The following ADCY10 variants were observed in gnomAD, a reference collection of about 807,000 sequenced individuals.
The protein encoded by ADCY10 is adenylate cyclase type 10.
ADCY10 carries 156 observed loss-of-function variants against 183.3 expected under a neutral mutation model. The ratio of observed to expected loss-of-function variants is 0.85; its 90% CI spans 0.75 to 0.97. The LOEUF (loss-of-function observed/expected upper bound fraction) is 0.97, where lower values mean the gene tolerates loss of function less well. ADCY10 is among the 50% of genes least tolerant of loss of function. ADCY10 has a pLI of 0.00. For missense variants in ADCY10, 1,745 were observed against 1,934.3 expected (o/e 0.90, Z 1.84); for synonymous variants, 645 against 670.0 (o/e 0.96, Z 0.58).
intron 16 of ADCY10, among the ~76,000 whole-genome samples, chr1:167,856,655 C>T (rs1032183562): frequency 2.0e-5 from 3 of 152,162 alleles, no homozygotes; most frequent in African/African-American, 7.2e-5. Flanking sequence ...CTGGAATGGA[C>T]TCTTACTTGG....
Position 167,905,039 on chromosome 1 carries a change from G to C in ADCY10, c.102C>G (p.Pro34=). The C allele has an allele frequency of 6.2e-7, 1 of 1,614,166 alleles. No individual in the cohort carries two copies. Among genetic ancestry groups the C allele is most frequent in the Non-Finnish European group, 8.5e-7 (1 of 1,180,042 alleles). The change falls in exon 2 of 33, where the codon CCC becomes CCG. Residue 34 remains proline (P), a synonymous_variant. Transcript: ENST00000367851. ...GGACTCCGTCAAAATAATCCATAAA[G>C]GGTCGCTCTGGGGAGAAATGTCCAT... ...IVYGHFSPER[P]FMDYFDGVLM...
chr1:167,888,569 T>C (rs1249868630), intron 8 of ADCY10, among the ~76,000 whole-genome samples: 1 of 152,182 alleles, frequency 6.6e-6, no homozygotes, highest in Non-Finnish European at 1.5e-5. Context: ...TTGTTCCCTG[T>C]TAGCATATAG....
Position 167,903,018 on chromosome 1 carries a change from G to T in ADCY10, c.253+869C>A, listed in dbSNP as rs184072687. On this transcript the variant is annotated intron_variant, in intron 3 of 32. Transcript: ENST00000367851. ...GCCTATAATCCCAGCACTTTGGGAG[G>T]CTGAGGTGGGAGGATCACCTGAGGT... Among the ~76,000 whole-genome samples the T allele has an allele frequency of 6.6e-3, 1,002 of 152,338 alleles. 7 individuals are homozygous for T. The highest frequency in any genetic ancestry group is 0.023 in the African/African-American group (955 of 41,568).
chr1:167,849,043 C>T (rs1398923897), intron 18 of ADCY10, among the ~76,000 whole-genome samples: 1 of 143,308 alleles, frequency 7.0e-6, no homozygotes, highest in Non-Finnish European at 1.5e-5. Flanking sequence ...AAAGAATTGG[C>T]ACTATTGATG....
chr1:167,866,880 G>T (rs1389499314), intron 14 of ADCY10, among the ~76,000 whole-genome samples: 2 of 152,096 alleles, frequency 1.3e-5, no homozygotes, highest in Non-Finnish European at 2.9e-5. Flanking sequence ...GTTTCCAAAG[G>T]CTGGCCCCCA....
chr1:167,832,954 A>C (rs748308557), intron 25 of ADCY10, 33 bp downstream of exon 25: 1 of 1,607,760 alleles, frequency 6.2e-7, no homozygotes, highest in South Asian at 1.1e-5. Context: ...GAGTGAGACT[A>C]AACAGTCTGC....
intron 9 of ADCY10, among the ~76,000 whole-genome samples, chr1:167,882,433 C>T (rs959506089): frequency 2.7e-4 from 38 of 141,938 alleles, no homozygotes; most frequent in African/African-American, 9.2e-4. Flanking sequence ...TTCAGTGAGC[C>T]GAGATCATGC....
chr1:167,848,122 C>T (rs1665181340), intron 19 of ADCY10, among the ~76,000 whole-genome samples: 1 of 151,654 alleles, frequency 6.6e-6, no homozygotes, highest in African/African-American at 2.4e-5. Flanking sequence ...GGCTGGAGTG[C>T]AGTGGCTCAC....
chr1:167,871,653 A>G (rs1667114698), intron 13 of ADCY10, among the ~76,000 whole-genome samples: 1 of 152,240 alleles, frequency 6.6e-6, no homozygotes, highest in South Asian at 2.1e-4. Context: ...TTATTCACTG[A>G]TAGAACAAAT....
chr1:167,818,257 G>C lies in ADCY10; in HGVS notation c.4297C>G (p.Leu1433Val). 4 of 1,614,042 alleles carry C rather than the reference G, an allele frequency of 2.5e-6. No homozygotes were observed. Among genetic ancestry groups the C allele is most frequent in the Non-Finnish European group, 3.4e-6 (4 of 1,179,914 alleles). The change falls in exon 31 of 33, where the codon CTT becomes GTT. Residue 1433 changes from leucine (L) to valine (V), a missense_variant. Physicochemically the swap from Leu to Val is conservative, Grantham distance 32. Coordinates refer to ENST00000367851, the MANE Select transcript of ADCY10 (RefSeq NM_018417.6). ...YSSVAIWYARLQEWDNFYKFS... is the reference protein window; with the variant it reads ...YSSVAIWYARVQEWDNFYKFS... The stretch of plus-strand genomic sequence containing the variant: ...TTGTAAAAGTTGTCCCATTCCTGAA[G>C]TCTGGCATACCTGCATTACCACAAG...
rs1005233195 is a variant in ADCY10 at position 167,880,407 on chromosome 1, T to C, written c.1139+84A>G. 1.2e-5 allele frequency: 13 copies of C among 1,100,032 alleles called. No individual in the cohort carries two copies. The Admixed American group carries it at 2.2e-4, about 19-fold the overall frequency. 68.1% of individuals were successfully genotyped at this position (1,100,032 alleles called of 1,614,324 possible). On this transcript the variant is annotated intron_variant, in intron 10 of 32. Coordinates refer to ENST00000367851, the MANE Select transcript of ADCY10 (RefSeq NM_018417.6). Reference sequence around the variant, plus strand: ...GACTAAGTTCTTAATTAATTCTTCTTTCTTTCCTGTTCCCTGCATGCCCTC... The same window carrying C: ...GACTAAGTTCTTAATTAATTCTTCTCTCTTTCCTGTTCCCTGCATGCCCTC...
At chr1:167,913,182 T>C (rs1670259309) in intron 1 of ADCY10, among the ~76,000 whole-genome samples, 1 of 152,104 alleles carries the variant, frequency 6.6e-6, no homozygotes, top group African/African-American at 2.4e-5. Flanking sequence ...TGAGGATACC[T>C]GAGTCAAAAG....
chr1:167,837,182 A>T, intron 22 of ADCY10, 67 bp downstream of exon 22: 3 of 1,399,284 alleles, frequency 2.1e-6, no homozygotes, highest in Non-Finnish European at 3.0e-6. Flanking sequence ...AAATGATTCT[A>T]ATAGTGTTCT....
In ADCY10 at chr1:167,833,953, C is replaced by A; in HGVS notation, c.3417+17G>T. On this transcript the variant is annotated intron_variant, in intron 24 of 32. Coordinates refer to ENST00000367851, the MANE Select transcript of ADCY10 (RefSeq NM_018417.6). Reference sequence around the variant, plus strand: ...AGATATATAACAGATAAATTCAAGTCTTTAATGGTTTCTTACCTCACCTTT... The same window carrying A: ...AGATATATAACAGATAAATTCAAGTATTTAATGGTTTCTTACCTCACCTTT... 1 of 1,595,964 alleles carries A rather than the reference C, an allele frequency of 6.3e-7. No individual in the cohort carries two copies. The highest frequency in any genetic ancestry group is 1.7e-5 in the Admixed American group (1 of 59,960).
chr1:167,859,724 G>A, intron 16 of ADCY10, 83 bp downstream of exon 16: 1 of 1,012,624 alleles, frequency 9.9e-7, no homozygotes, highest in Non-Finnish European at 1.6e-6. Flanking sequence ...TGCCAATGTG[G>A]TCTGAACTCC....
At chr1:167,863,950 C>G (rs1045939740) in intron 14 of ADCY10, among the ~76,000 whole-genome samples, 4 of 152,098 alleles carry the variant, frequency 2.6e-5, no homozygotes, top group Non-Finnish European at 4.4e-5. Context: ...GTTTGAATTA[C>G]TTGACAGGAC....
intron 8 of ADCY10, among the ~76,000 whole-genome samples, chr1:167,885,857 G>A (rs1228232390): frequency 3.3e-5 from 5 of 152,062 alleles, no homozygotes; most frequent in African/African-American, 9.7e-5. Flanking sequence ...CTCGTGACTT[G>A]CCCACCTCGG....
intron 21 of ADCY10, among the ~76,000 whole-genome samples, chr1:167,842,820 G>A (rs577282153): frequency 6.6e-6 from 1 of 152,074 alleles, no homozygotes; most frequent in African/African-American, 2.4e-5. Flanking sequence ...ACAGATGTCA[G>A]AATTTGATTT....
intron 19 of ADCY10, among the ~76,000 whole-genome samples, chr1:167,848,058 G>A (rs1042475184): frequency 3.3e-5 from 5 of 151,898 alleles, no homozygotes; most frequent in African/African-American, 1.2e-4. Context: ...ATAAATACCA[G>A]GTCAGATTTT....
Sources: allele counts gnomAD v4.1 joint callset (sites outside exome capture counted in the v4.1 genomes callset), GRCh38; gene constraint gnomAD v4.1.1; transcripts MANE v1.5; gene names NCBI Gene and HGNC (gene_info 2026-07-23, HGNC 2026-07-21).